The following PACRG variants were observed in gnomAD, a reference collection of about 807,000 sequenced individuals.
PACRG encodes parkin coregulated gene protein.
A neutral mutation model predicts 29.7 loss-of-function variants in PACRG; 29 were observed. The observed-to-expected ratio is 0.98, with a 90% CI of 0.73 to 1.33. The LOEUF (loss-of-function observed/expected upper bound fraction) is 1.33. PACRG is among the 40% of genes most tolerant of loss of function. The pLI is 0.00. For missense variants in PACRG, 279 were observed against 316.2 expected, an observed-to-expected ratio of 0.88 and a Z score of 0.89; for synonymous variants, 116 against 118.7, an observed-to-expected ratio of 0.98 and a Z score of 0.15.
chr6:162,855,282 T>A (rs1440238896), intron 2 of PACRG, among the ~76,000 whole-genome samples: 1 of 152,216 alleles, frequency 6.6e-6, no homozygotes, highest in Non-Finnish European at 1.5e-5. Flanking sequence ...CAGTACATGA[T>A]GATCGTGTTA....
rs187308403 is a variant in PACRG at position 162,810,598 on chromosome 6, G to A, written c.157-3549G>A. Among the ~76,000 whole-genome samples, 129 of 152,238 alleles carry A rather than the reference G, an allele frequency of 8.5e-4. No individual in the cohort carries two copies. The East Asian group carries it at 0.012, about 14-fold the overall frequency. On this transcript the variant is annotated intron_variant, in intron 1 of 4. Coordinates refer to ENST00000366888, the MANE Select transcript of PACRG (RefSeq NM_001080379.2). Reference sequence around the variant, plus strand: ...GGAAAGTCTCAGAAAAGAAATAGACGATATAAAGATGAACCAAATAGAAAT... The same window carrying A: ...GGAAAGTCTCAGAAAAGAAATAGACAATATAAAGATGAACCAAATAGAAAT...
intron 2 of PACRG, among the ~76,000 whole-genome samples, chr6:162,927,844 A>G (rs1199817028): frequency 6.6e-6 from 1 of 152,010 alleles, no homozygotes; most frequent in African/African-American, 2.4e-5. Flanking sequence ...AAAATGAAAC[A>G]TTCTTGGATC....
At chr6:163,254,056 TCTC>T (rs1783011861) in intron 4 of PACRG, among the ~76,000 whole-genome samples, 1 of 151,890 alleles carries the variant, frequency 6.6e-6, no homozygotes, top group Non-Finnish European at 1.5e-5. Flanking sequence ...GCCAGCCACT[TCTC>T]CTGCTACCAC....
At chr6:162,869,744 T>TAATACCATG (rs1792639739) in intron 2 of PACRG, among the ~76,000 whole-genome samples, 2 of 152,208 alleles carry the variant, frequency 1.3e-5, no homozygotes, top group African/African-American at 4.8e-5. Context: ...TCATTATCAA[T>TAATACCATG]AATACCATGT....
chr6:163,003,472 T>C (rs1029648922), intron 2 of PACRG, among the ~76,000 whole-genome samples: 8 of 151,984 alleles, frequency 5.3e-5, no homozygotes, highest in Non-Finnish European at 7.4e-5. Flanking sequence ...AAAAATAAAA[T>C]GGAAAAATCT....
chr6:162,767,819 G>A (rs1054072449), intron 1 of PACRG, among the ~76,000 whole-genome samples: 12 of 151,386 alleles, frequency 7.9e-5, no homozygotes, highest in African/African-American at 2.9e-4. Flanking sequence ...TATTCTTTTA[G>A]CCATTATTTT....
At chr6:162,852,333 C>A (rs1790988742) in intron 2 of PACRG, among the ~76,000 whole-genome samples, 2 of 152,208 alleles carry the variant, frequency 1.3e-5, no homozygotes, top group South Asian at 4.1e-4. Context: ...TCTCAGACAA[C>A]TCCCAGAAGG....
intron 4 of PACRG, among the ~76,000 whole-genome samples, chr6:163,188,011 G>A (rs1780033591): frequency 6.6e-6 from 1 of 152,296 alleles, no homozygotes; most frequent in East Asian, 1.9e-4. Flanking sequence ...GTCCCAAAAT[G>A]AGCATATCTC....
chr6:163,267,711 G>A (rs1003853469), intron 4 of PACRG, among the ~76,000 whole-genome samples: 2 of 152,138 alleles, frequency 1.3e-5, no homozygotes, highest in Non-Finnish European at 2.9e-5. Context: ...TTTATTCTTA[G>A]AACAATCGTA....
At chr6:163,096,579 C>G (rs1814612540) in intron 4 of PACRG, among the ~76,000 whole-genome samples, 2 of 152,122 alleles carry the variant, frequency 1.3e-5, no homozygotes, top group Non-Finnish European at 2.9e-5. Flanking sequence ...CAACTCCGTG[C>G]CTTAGTCTCC....
At chr6:162,973,843 C>T (rs964887436) in intron 2 of PACRG, among the ~76,000 whole-genome samples, 1 of 151,998 alleles carries the variant, frequency 6.6e-6, no homozygotes, top group South Asian at 2.1e-4. Context: ...CTATGGGGGT[C>T]CTATTATTTA....
chr6:162,905,097 T>C (rs1039546262), intron 2 of PACRG, among the ~76,000 whole-genome samples: 6 of 152,202 alleles, frequency 3.9e-5, no homozygotes, highest in African/African-American at 4.8e-5. Context: ...CCTGGTCCCC[T>C]GTAAGCCTTG....
At chr6:162,872,350 A>G (rs905216259) in intron 2 of PACRG, among the ~76,000 whole-genome samples, 1 of 152,224 alleles carries the variant, frequency 6.6e-6, no homozygotes, top group South Asian at 2.1e-4. Context: ...TAAATAGATT[A>G]ATACTTCTAA....
At chr6:163,078,480 G>T (rs1432100476) in intron 3 of PACRG, among the ~76,000 whole-genome samples, 1 of 136,344 alleles carries the variant, frequency 7.3e-6, no homozygotes. Flanking sequence ...GGCAACAAGA[G>T]CAAAATTTAG....
At chr6:163,236,573 C>A (rs186022306) in intron 4 of PACRG, among the ~76,000 whole-genome samples, 72 of 152,166 alleles carry the variant, frequency 4.7e-4, no homozygotes, top group African/African-American at 1.5e-3. Context: ...ACACAAGATT[C>A]CGGGTCTTTT....
intron 4 of PACRG, among the ~76,000 whole-genome samples, chr6:163,213,375 C>A (rs1296141965): frequency 1.3e-5 from 2 of 151,628 alleles, no homozygotes; most frequent in Non-Finnish European, 1.5e-5. Context: ...ACAAATAATG[C>A]AACATGTGAT....
At chr6:163,052,631 C>T (rs150017971) in intron 2 of PACRG, among the ~76,000 whole-genome samples, 51 of 152,270 alleles carry the variant, frequency 3.3e-4, no homozygotes, top group African/African-American at 1.2e-3. Context: ...TTATAAGTTT[C>T]CTGAGGCCTC....
chr6:163,264,422 T>C (rs1032290642), intron 4 of PACRG, among the ~76,000 whole-genome samples: 1 of 152,218 alleles, frequency 6.6e-6, no homozygotes, highest in Non-Finnish European at 1.5e-5. Context: ...CTAGTCACAC[T>C]GTGCTGCTGG....
At chr6:163,280,658 G>T (rs140057381) in intron 4 of PACRG, among the ~76,000 whole-genome samples, 1,695 of 152,286 alleles carry the variant, frequency 0.011, 33 homozygotes, top group African/African-American at 0.039. Flanking sequence ...TAGTATCTGG[G>T]GAGGGCTCTT....
Sources: allele counts gnomAD v4.1 joint callset (sites outside exome capture counted in the v4.1 genomes callset), GRCh38; gene constraint gnomAD v4.1.1; transcripts MANE v1.5; gene names NCBI Gene and HGNC (gene_info 2026-07-23, HGNC 2026-07-21).